The following OXR1 variants were observed in gnomAD, a reference collection of about 807,000 sequenced individuals.
OXR1 encodes the protein oxidation resistance 1.
A neutral mutation model predicts 104.6 loss-of-function variants in OXR1; 41 were observed. The observed-to-expected ratio is 0.39, with a 90% CI of 0.31 to 0.51. The LOEUF is 0.51. OXR1 is among the 20% of genes least tolerant of loss of function. OXR1 has a pLI of 0.77. For synonymous variants in OXR1, 348 were observed against 348.4 expected (o/e 1.00, Z 0.01); for missense variants, 955 against 1,031.9 (o/e 0.93, Z 1.02).
At chr8:106,366,593 G>T (rs913481832) in intron 2 of OXR1, among the ~76,000 whole-genome samples, 8 of 152,024 alleles carry the variant, frequency 5.3e-5, no homozygotes, top group African/African-American at 1.4e-4. Context: ...AAAGAGAAAG[G>T]TTAGACATGA....
intron 1 of OXR1, among the ~76,000 whole-genome samples, chr8:106,295,554 A>T (rs1503556): frequency 0.22 from 33,250 of 151,728 alleles, 5,370 homozygotes; most frequent in African/African-American, 0.46. Context: ...GGATCTAGTA[A>T]TTTTTTTCTC....
In OXR1 at chr8:106,658,918, A is replaced by T. The variant is rs552423013; in HGVS notation, c.221-20292A>T. Among the ~76,000 whole-genome samples the T allele has an allele frequency of 5.3e-5, 8 of 152,356 alleles. No homozygotes were observed. The South Asian group carries it at 1.4e-3, about 28-fold the overall frequency. ...CTGCTGAACAGTTTTAGCATAATGC[A>T]TAGGGTAACTTCCAGTGTCCTTGGC... On this transcript the variant is annotated intron_variant, in intron 3 of 16. Coordinates refer to ENST00000517566, the MANE Select transcript of OXR1 (RefSeq NM_001198533.2).
intron 1 of OXR1, among the ~76,000 whole-genome samples, chr8:106,316,509 AGT>A (rs1813944953): frequency 6.6e-6 from 1 of 152,116 alleles, no homozygotes; most frequent in Non-Finnish European, 1.5e-5. Flanking sequence ...ATTTACTTAG[AGT>A]GATTTTTTCT....
intron 3 of OXR1, among the ~76,000 whole-genome samples, chr8:106,571,290 T>C (rs1352061646): frequency 6.6e-6 from 1 of 151,930 alleles, no homozygotes; most frequent in African/African-American, 2.4e-5. Flanking sequence ...TGTGGTTGGG[T>C]TCTTGTGAAG....
intron 1 of OXR1, among the ~76,000 whole-genome samples, chr8:106,353,240 C>A (rs1343939286): frequency 6.6e-6 from 1 of 152,054 alleles, no homozygotes; most frequent in African/African-American, 2.4e-5. Context: ...GTCCCAGCTA[C>A]TGGGGAGGTG....
intron 1 of OXR1, among the ~76,000 whole-genome samples, chr8:106,274,891 C>T (rs1461088133): frequency 6.6e-6 from 1 of 152,222 alleles, no homozygotes; most frequent in Non-Finnish European, 1.5e-5. Context: ...ATGCACCTGT[C>T]ATTGGACTAC....
At chr8:106,448,333 A>G (rs1378525577) in intron 2 of OXR1, among the ~76,000 whole-genome samples, 1 of 152,194 alleles carries the variant, frequency 6.6e-6, no homozygotes, top group Non-Finnish European at 1.5e-5. Context: ...TCAAAGTCAT[A>G]GTTCTTCGTA....
At chr8:106,326,141 A>G (rs6469057) in intron 1 of OXR1, among the ~76,000 whole-genome samples, 47,965 of 152,096 alleles carry the variant, frequency 0.32, 10,097 homozygotes, top group African/African-American at 0.6. Flanking sequence ...GGAATGTACC[A>G]TCTTTGACCA....
intron 2 of OXR1, among the ~76,000 whole-genome samples, chr8:106,462,129 A>T (rs1342222454): frequency 1.3e-5 from 2 of 152,136 alleles, no homozygotes; most frequent in African/African-American, 4.8e-5. Flanking sequence ...TATGTCTTAC[A>T]TTAAAGAAAT....
At chr8:106,422,519 A>C (rs890595310) in intron 2 of OXR1, among the ~76,000 whole-genome samples, 1 of 111,776 alleles carries the variant, frequency 8.9e-6, no homozygotes, top group Non-Finnish European at 1.7e-5. Context: ...TATTTAAAGC[A>C]CTATAAAATA....
chr8:106,584,714 C>A (rs1390471908), intron 3 of OXR1, among the ~76,000 whole-genome samples: 4 of 151,976 alleles, frequency 2.6e-5, no homozygotes, highest in Non-Finnish European at 5.9e-5. Context: ...ATTTCCCTCC[C>A]ATTACAGTTT....
intron 3 of OXR1, among the ~76,000 whole-genome samples, chr8:106,648,791 GC>G (rs373060589): frequency 3.2e-4 from 48 of 152,242 alleles, no homozygotes; most frequent in African/African-American, 1.1e-3. Context: ...ACAACAAAAG[GC>G]TTTTTCAACA....
chr8:106,526,217 TCTAA>T (rs1255447259), intron 3 of OXR1, among the ~76,000 whole-genome samples: 1 of 152,208 alleles, frequency 6.6e-6, no homozygotes, highest in East Asian at 1.9e-4. Flanking sequence ...TTGTCTCAGC[TCTAA>T]CTGGGAACTC....
chr8:106,704,393 CTTTTTTTTTTTTTTTTTT>C (rs71307084), intron 8 of OXR1, among the ~76,000 whole-genome samples: 26 of 47,890 alleles, frequency 5.4e-4, no homozygotes, highest in Admixed American at 6.4e-4. Context: ...CTTTCTTCTT[CTTTTTTTTTTTTTTTTTT>C]TTTTTTTTTT....
intron 2 of OXR1, among the ~76,000 whole-genome samples, chr8:106,476,389 C>T (rs756606474): frequency 7.9e-5 from 12 of 151,912 alleles, no homozygotes; most frequent in Non-Finnish European, 1.6e-4. Flanking sequence ...TCCAGACCTT[C>T]CTGTTGTGCA....
In OXR1 at chr8:106,611,274, T is replaced by C. The variant is rs188096792; in HGVS notation, c.221-67936T>C. ...GTGCAAAGGCTTTAAGATAGGAGCA[T>C]GCTTGGTGCATTCAAGGACCAGAAA... On this transcript the variant is annotated intron_variant, in intron 3 of 16. Transcript: ENST00000517566. Among the ~76,000 whole-genome samples the C allele has an allele frequency of 1.1e-4, 16 of 152,274 alleles. No individual in the cohort carries two copies. The East Asian group carries it at 2.5e-3, about 24-fold the overall frequency.
At chr8:106,310,827 C>A (rs968941100) in intron 1 of OXR1, among the ~76,000 whole-genome samples, 1 of 152,052 alleles carries the variant, frequency 6.6e-6, no homozygotes, top group Non-Finnish European at 1.5e-5. Flanking sequence ...GCTTTATTTT[C>A]TTTGATTGAA....
chr8:106,514,512 T>C (rs1812740015), intron 2 of OXR1, among the ~76,000 whole-genome samples: 1 of 151,504 alleles, frequency 6.6e-6, no homozygotes, highest in South Asian at 2.1e-4. Flanking sequence ...TTGGGAAGAG[T>C]GTTTGGTGAG....
At chr8:106,668,246 A>G (rs932128756) in intron 3 of OXR1, among the ~76,000 whole-genome samples, 3 of 152,196 alleles carry the variant, frequency 2.0e-5, no homozygotes, top group Admixed American at 6.5e-5. Context: ...AGTTTTTGAT[A>G]CAATTGGCAT....
Sources: gnomAD v4.1 joint callset for allele counts (sites outside exome capture counted in the v4.1 genomes callset) on GRCh38, gnomAD v4.1.1 for gene constraint, MANE v1.5 for transcripts, NCBI Gene and HGNC (gene_info 2026-07-23, HGNC 2026-07-21) for gene names.